The following KIF26B variants were observed in gnomAD, a reference collection of about 807,000 sequenced individuals.
The protein encoded by KIF26B is kinesin family member 26B.
In KIF26B, 63 loss-of-function variants were observed where a neutral mutation model predicts 151.2. That is an observed-to-expected ratio of 0.42 (90% CI 0.34 to 0.51). The LOEUF is 0.51. Ranked by LOEUF, KIF26B falls within the 20% of genes least tolerant of loss-of-function variation. KIF26B has a pLI of 0.07. For synonymous variants in KIF26B, 1,357 were observed against 1,262.1 expected, an observed-to-expected ratio of 1.08 and a Z score of -1.59; for missense variants, 2,813 against 2,913.6, an observed-to-expected ratio of 0.97 and a Z score of 0.79.
intron 3 of KIF26B, among the ~76,000 whole-genome samples, chr1:245,381,113 A>C (rs1172310327): frequency 6.6e-6 from 1 of 152,198 alleles, no homozygotes; most frequent in African/African-American, 2.4e-5. Context: ...TCTCCCTGTC[A>C]GTAGCGTGGT....
chr1:245,536,348 C>T (rs574648002), intron 4 of KIF26B, among the ~76,000 whole-genome samples: 2 of 152,302 alleles, frequency 1.3e-5, no homozygotes, highest in East Asian at 3.9e-4. Flanking sequence ...GGCTAAATAT[C>T]CCCAGCTCCT....
intron 5 of KIF26B, among the ~76,000 whole-genome samples, chr1:245,555,227 G>A (rs1661990005): frequency 6.6e-6 from 1 of 152,140 alleles, no homozygotes; most frequent in South Asian, 2.1e-4. Context: ...AATGGGGATG[G>A]GAGGAGGGGA....
intron 5 of KIF26B, among the ~76,000 whole-genome samples, chr1:245,551,615 A>G (rs966756426): frequency 1.1e-4 from 16 of 152,098 alleles, no homozygotes; most frequent in Admixed American, 5.2e-4. Context: ...CTAATAACGC[A>G]CCATTTGCAT....
chr1:245,424,739 G>A (rs768424693), intron 4 of KIF26B, among the ~76,000 whole-genome samples: 151 of 150,920 alleles, frequency 1.0e-3, no homozygotes, highest in Non-Finnish European at 1.9e-3. Context: ...ATAAAAAATC[G>A]GGGCTTGCAT....
intron 2 of KIF26B, among the ~76,000 whole-genome samples, chr1:245,162,518 TG>T (rs1668549814): frequency 6.6e-6 from 1 of 151,400 alleles, no homozygotes; most frequent in Non-Finnish European, 1.5e-5. Context: ...CCCGAGTAGC[TG>T]GGACTACAGG....
intron 4 of KIF26B, among the ~76,000 whole-genome samples, chr1:245,514,957 C>A (rs1218607941): frequency 1.3e-5 from 2 of 152,342 alleles, no homozygotes; most frequent in East Asian, 3.9e-4. Context: ...GTAGGTCTGT[C>A]TCTCAGACAC....
rs552397385 is a variant in KIF26B at position 245,227,989 on chromosome 1, C to T, written c.465+71306C>T. Among the ~76,000 whole-genome samples the T allele has an allele frequency of 2.6e-5, 4 of 152,030 alleles. No individual in the cohort carries two copies. Among genetic ancestry groups the T allele is most frequent in the African/African-American group, 9.7e-5 (4 of 41,408 alleles). On this transcript the variant is annotated intron_variant, in intron 2 of 14. Coordinates refer to ENST00000407071, the MANE Select transcript of KIF26B (RefSeq NM_018012.4). This position sits in a 1 kb window ranked among gnomAD's most constrained non-coding sequence, Gnocchi z 4.1. ...TGCACTCCAGCCTGGGCAACAAGAG[C>T]GAAACTCTGTCTCAAAACAAAACAA...
intron 3 of KIF26B, among the ~76,000 whole-genome samples, chr1:245,394,802 T>A (rs931971423): frequency 1.3e-5 from 2 of 149,812 alleles, no homozygotes; most frequent in Non-Finnish European, 1.5e-5. Flanking sequence ...GTGAGTCTCC[T>A]GCCTCAGCCT....
intron 9 of KIF26B, among the ~76,000 whole-genome samples, chr1:245,622,875 T>C (rs961100575): frequency 6.6e-6 from 1 of 152,060 alleles, no homozygotes; most frequent in Non-Finnish European, 1.5e-5. Context: ...CACGCCTCTC[T>C]GGAAGAGTGG....
chr1:245,204,929 C>G (rs1001388976), intron 2 of KIF26B, among the ~76,000 whole-genome samples: 1 of 151,994 alleles, frequency 6.6e-6, no homozygotes, highest in Non-Finnish European at 1.5e-5. Context: ...CTCAGATGCA[C>G]ACCACCATTC....
In KIF26B at chr1:245,633,744, T is replaced by C. The variant is rs566701197; in HGVS notation, c.2099-12377T>C. Among the ~76,000 whole-genome samples, 15 of 152,320 alleles carry C rather than the reference T, an allele frequency of 9.8e-5. 1 individual carries two copies. In the South Asian group the frequency reaches 2.7e-3, roughly 27 times the overall value. ...TTTTTTTAAGGATAGCTTTCAGCAATATTTTATGGTTTTTATGTACACATT... is the reference window on the plus strand; with the variant it reads ...TTTTTTTAAGGATAGCTTTCAGCAACATTTTATGGTTTTTATGTACACATT... On this transcript the variant is annotated intron_variant, in intron 9 of 14. Transcript: ENST00000407071.
chr1:245,260,795 C>A (rs1477751379), intron 2 of KIF26B, among the ~76,000 whole-genome samples: 1 of 152,204 alleles, frequency 6.6e-6, no homozygotes, highest in African/African-American at 2.4e-5. Flanking sequence ...GAACCAAGCT[C>A]CCGACTGCAG....
Position 245,688,680 on chromosome 1 carries a change from G to C in KIF26B, c.5697G>C (p.Glu1899Asp), listed in dbSNP as rs776700603. 25 of 1,605,676 alleles carry C rather than the reference G, an allele frequency of 1.6e-5. No individual in the cohort carries two copies. In the South Asian group the frequency reaches 2.7e-4, roughly 17 times the overall value. The change falls in exon 12 of 15, where the codon GAG becomes GAC. Residue 1899 changes from glutamate (E) to aspartate (D), a missense_variant. By Grantham distance (45) the Glu-to-Asp change is conservative. This residue lies in a region of KIF26B where 2,060 missense variants were observed against 2,088.6 expected (regional missense o/e 0.99). Coordinates refer to ENST00000407071, the MANE Select transcript of KIF26B (RefSeq NM_018012.4). ...FYHSGGSSGY[E>D]SVMRDSEATG... ...ACAGCGGCGGCAGCAGCGGCTACGA[G>C]AGCGTGATGCGGGACAGCGAGGCCA...
chr1:245,283,197 C>G (rs1671095363), intron 2 of KIF26B: 3 of 159,734 alleles, frequency 1.9e-5, no homozygotes, highest in Non-Finnish European at 2.7e-5. Flanking sequence ...CAGCCACTGA[C>G]AGCAAGCTCA....
At chr1:245,333,474 T>A (rs1672153862) in intron 2 of KIF26B, among the ~76,000 whole-genome samples, 1 of 152,092 alleles carries the variant, frequency 6.6e-6, no homozygotes, top group Non-Finnish European at 1.5e-5. Flanking sequence ...GAGTGTTTAG[T>A]GGGTGCGGAG....
intron 2 of KIF26B, among the ~76,000 whole-genome samples, chr1:245,333,759 A>G (rs534554357): frequency 6.6e-6 from 1 of 152,300 alleles, no homozygotes; most frequent in African/African-American, 2.4e-5. Context: ...GCACTTCGGG[A>G]GGCCGATGCC....
chr1:245,510,655 C>T (rs1277323454), intron 4 of KIF26B, among the ~76,000 whole-genome samples: 1 of 151,382 alleles, frequency 6.6e-6, no homozygotes, highest in African/African-American at 2.4e-5. Context: ...GCCTGCCTGC[C>T]TCTGCCCCTC....
chr1:245,650,852 GA>G, intron 10 of KIF26B, among the ~76,000 whole-genome samples: 1 of 152,288 alleles, frequency 6.6e-6, no homozygotes, highest in East Asian at 1.9e-4. Flanking sequence ...CAGTCATCTT[GA>G]AAAATGGTGC....
intron 9 of KIF26B, 60 bp downstream of exon 9, chr1:245,612,036 C>T: frequency 6.8e-7 from 1 of 1,477,556 alleles, no homozygotes; most frequent in Non-Finnish European, 9.4e-7. Flanking sequence ...CCAGAAATCC[C>T]TTGGGCAACC....
Sources: allele counts gnomAD v4.1 joint callset (sites outside exome capture counted in the v4.1 genomes callset), GRCh38; gene constraint gnomAD v4.1.1; regional missense constraint gnomAD v4.1.1; non-coding constraint Gnocchi (gnomAD v3.1); transcripts MANE v1.5; gene names NCBI Gene and HGNC (gene_info 2026-07-23, HGNC 2026-07-21).